Variants in GRIK4 observed in about 807,000 individuals in gnomAD.
GRIK4 encodes glutamate ionotropic receptor kainate type subunit 4.
GRIK4 carries 40 observed loss-of-function variants against 104.9 expected under a neutral mutation model. The observed-to-expected ratio is 0.38, with a 90% CI of 0.30 to 0.50. The LOEUF is 0.50. Ranked by LOEUF, GRIK4 falls within the 20% of genes least tolerant of loss-of-function variation. The probability of loss-of-function intolerance (pLI) is 0.93; values close to 1 mark genes in which losing one functional copy is unlikely to be tolerated. For missense variants in GRIK4, 1,047 were observed against 1,308.1 expected, an observed-to-expected ratio of 0.80 and a Z score of 3.08; for synonymous variants, 485 against 524.9, an observed-to-expected ratio of 0.92 and a Z score of 1.04.
intron 4 of GRIK4, among the ~76,000 whole-genome samples, chr11:120,808,663 A>G (rs1952765765): frequency 6.6e-6 from 1 of 152,232 alleles, no homozygotes; most frequent in Non-Finnish European, 1.5e-5. Flanking sequence ...CAGAGAGTTC[A>G]GAATGGAATG....
At chr11:120,983,360 G>A (rs1429420575) in intron 20 of GRIK4, among the ~76,000 whole-genome samples, 4 of 152,130 alleles carry the variant, frequency 2.6e-5, no homozygotes. Context: ...CTCCCGATTT[G>A]GTCCGAAACC....
intron 13 of GRIK4, among the ~76,000 whole-genome samples, chr11:120,931,369 G>C (rs1943478401): frequency 6.6e-6 from 1 of 152,200 alleles, no homozygotes; most frequent in African/African-American, 2.4e-5. Context: ...TGCTGACCTT[G>C]GCTGGAGTGA....
chr11:120,908,422 AAC>A (rs147209887), intron 13 of GRIK4, among the ~76,000 whole-genome samples: 103,214 of 151,216 alleles, frequency 0.68, 35,453 homozygotes, highest in East Asian at 0.84. Flanking sequence ...GATTTAAAAT[AAC>A]ACACACACAC....
chr11:120,690,500 A>C (rs1950341061), intron 3 of GRIK4, among the ~76,000 whole-genome samples: 1 of 152,218 alleles, frequency 6.6e-6, no homozygotes, highest in Non-Finnish European at 1.5e-5. Context: ...TGGCTGCGCC[A>C]ATCTCTTTTT....
At chr11:120,715,203 A>C (rs953917365) in intron 3 of GRIK4, among the ~76,000 whole-genome samples, 19 of 152,194 alleles carry the variant, frequency 1.2e-4, no homozygotes, top group African/African-American at 4.3e-4. Flanking sequence ...TCTGTGGAGC[A>C]ATAATTGAAG....
chr11:120,853,420 G>A (rs756689446), intron 8 of GRIK4, among the ~76,000 whole-genome samples: 32 of 152,180 alleles, frequency 2.1e-4, no homozygotes, highest in Admixed American at 5.2e-4. Context: ...CAATGAGTCC[G>A]TAGTCTAGGA....
At chr11:120,673,244 G>A (rs1422758731) in intron 3 of GRIK4, among the ~76,000 whole-genome samples, 4 of 152,194 alleles carry the variant, frequency 2.6e-5, no homozygotes, top group African/African-American at 9.7e-5. Context: ...TGAGTGCATG[G>A]TGTATAGTAG....
chr11:120,705,383 G>A (rs1390466266), intron 3 of GRIK4, among the ~76,000 whole-genome samples: 7 of 151,964 alleles, frequency 4.6e-5, no homozygotes, highest in African/African-American at 1.5e-4. Context: ...CTGCCACCTT[G>A]CCCAGCTAAT....
At chr11:120,920,200 A>G (rs925078227) in intron 13 of GRIK4, among the ~76,000 whole-genome samples, 1 of 152,184 alleles carries the variant, frequency 6.6e-6, no homozygotes, top group Non-Finnish European at 1.5e-5. Flanking sequence ...AATGAAAATA[A>G]TAGTACCCAC....
intron 8 of GRIK4, among the ~76,000 whole-genome samples, chr11:120,839,474 T>G (rs950713175): frequency 6.6e-6 from 1 of 152,212 alleles, no homozygotes; most frequent in Non-Finnish European, 1.5e-5. Flanking sequence ...CCTCGGGAGA[T>G]AATGTACACA....
At chr11:120,783,503 C>G (rs1040666015) in intron 3 of GRIK4, among the ~76,000 whole-genome samples, 1 of 151,972 alleles carries the variant, frequency 6.6e-6, no homozygotes, top group East Asian at 1.9e-4. Context: ...TCCCTTTGTC[C>G]CCCATTTAAC....
chr11:120,840,550 A>C (rs886208524), intron 8 of GRIK4, among the ~76,000 whole-genome samples: 1 of 152,148 alleles, frequency 6.6e-6, no homozygotes, highest in South Asian at 2.1e-4. Flanking sequence ...AATTGACAGC[A>C]CTTGGCCAGA....
chr11:120,737,354 T>C (rs1314372928), intron 3 of GRIK4, among the ~76,000 whole-genome samples: 1 of 152,242 alleles, frequency 6.6e-6, no homozygotes, highest in Non-Finnish European at 1.5e-5. Context: ...TGAGCACCAA[T>C]AGCTGCTAAT....
intron 3 of GRIK4, among the ~76,000 whole-genome samples, chr11:120,801,287 A>G (rs1244816741): frequency 2.0e-5 from 3 of 152,114 alleles, no homozygotes; most frequent in Admixed American, 6.5e-5. Context: ...GTGCAATGAC[A>G]CTGTCTCAGC....
intron 1 of GRIK4, among the ~76,000 whole-genome samples, chr11:120,541,666 T>A (rs943622210): frequency 4.0e-5 from 6 of 151,758 alleles, no homozygotes; most frequent in African/African-American, 1.2e-4. Context: ...AATTTTAGTA[T>A]TTTTTTTGTA....
At chr11:120,814,738 G>A (rs1254861231) in intron 4 of GRIK4, among the ~76,000 whole-genome samples, 2 of 152,224 alleles carry the variant, frequency 1.3e-5, no homozygotes, top group African/African-American at 4.8e-5. Flanking sequence ...GACGGGACCT[G>A]CTCTACCTGG....
At chr11:120,655,990 G>A (rs184803537) in intron 2 of GRIK4, among the ~76,000 whole-genome samples, 2 of 152,306 alleles carry the variant, frequency 1.3e-5, no homozygotes, top group East Asian at 3.9e-4. Context: ...ACAGCATGCA[G>A]GTGGAGGAGA....
At chr11:120,672,597 T>C (rs992923214) in intron 3 of GRIK4, among the ~76,000 whole-genome samples, 10 of 152,340 alleles carry the variant, frequency 6.6e-5, no homozygotes, top group African/African-American at 2.4e-4. Flanking sequence ...TGTCCTCTCT[T>C]ATTTCCTTGA....
At chr11:120,663,890 C>G (rs566984652) in intron 3 of GRIK4, among the ~76,000 whole-genome samples, 1 of 152,172 alleles carries the variant, frequency 6.6e-6, no homozygotes, top group Non-Finnish European at 1.5e-5. Flanking sequence ...TCATCCTGTC[C>G]GTAAGAGGGA....
Sources: allele counts gnomAD v4.1 joint callset (sites outside exome capture counted in the v4.1 genomes callset), GRCh38; gene constraint gnomAD v4.1.1; transcripts MANE v1.5; gene names NCBI Gene and HGNC (gene_info 2026-07-23, HGNC 2026-07-21).